C6orf136: variants seen among roughly 807,000 people sequenced by gnomAD.
The protein encoded by C6orf136 is chromosome 6 open reading frame 136, also known as uncharacterized protein C6orf136.
In C6orf136, 29 loss-of-function variants were observed where a neutral mutation model predicts 44.0. The ratio of observed to expected loss-of-function variants is 0.66; its 90% CI spans 0.49 to 0.90. The LOEUF (loss-of-function observed/expected upper bound fraction) is 0.90, where lower values mean the gene tolerates loss of function less well. Among genes scored for constraint, C6orf136 ranks in the 40% least tolerant of loss-of-function variants. The pLI is 0.00. For synonymous variants in C6orf136, 293 were observed against 278.6 expected, an observed-to-expected ratio of 1.05 and a Z score of -0.52; for missense variants, 628 against 669.3, an observed-to-expected ratio of 0.94 and a Z score of 0.68.
chr6:30,649,539 T>C lies in C6orf136; in HGVS notation c.616-19T>C. ...ACAAGTGGATTCTTATCTTTCTCCC[T>C]TCTGTTCTTTCTCCTTAGGACCAGC... is the stretch of plus-strand genomic sequence containing the variant. On this transcript the variant is annotated intron_variant, in intron 1 of 5. Coordinates refer to ENST00000651131, the MANE Select transcript of C6orf136 (RefSeq NM_001161376.2). 6.4e-7 allele frequency: 1 copy of C among 1,572,156 alleles called. No homozygotes were observed. Among genetic ancestry groups the C allele is most frequent in the Non-Finnish European group, 8.6e-7 (1 of 1,168,728 alleles).
In C6orf136 at chr6:30,647,730, C is replaced by T. The variant is rs1433122429; in HGVS notation, c.499C>T (p.Arg167Trp). ...QQPARLALGE[R>W]SWQEGRPVCT... ...GCCCGCCCGTCTTGCACTCGGAGAGCGGTCCTGGCAGGAAGGCCGGCCAGT... is the reference window on the plus strand; with the variant it reads ...GCCCGCCCGTCTTGCACTCGGAGAGTGGTCCTGGCAGGAAGGCCGGCCAGT... The change falls in exon 1 of 6, where the codon CGG (arginine) becomes TGG (tryptophan). Residue 167 changes from arginine to tryptophan, a missense_variant. By Grantham distance (101) the Arg-to-Trp change is moderately radical. Coordinates refer to ENST00000651131, the MANE Select transcript of C6orf136 (RefSeq NM_001161376.2). The surrounding 1 kb of genome is among the most constrained non-coding windows in gnomAD (Gnocchi z 4.8). The T allele has an allele frequency of 3.2e-6, 5 of 1,549,700 alleles. No homozygotes were observed. In the East Asian group the frequency reaches 7.3e-5, roughly 23 times the overall value.
At chr6:30,649,458 CAGG>C (rs1767198405) in intron 1 of C6orf136, 97 bp from the exon 2 acceptor site, 4 of 1,040,290 alleles carry the variant, frequency 3.8e-6, no homozygotes, top group Admixed American at 5.5e-5. Flanking sequence ...TCCATTCTGT[CAGG>C]AGGAATAGGT....
At chr6:30,651,169 C>A in intron 3 of C6orf136, 87 bp downstream of exon 3, 1 of 1,567,540 alleles carries the variant, frequency 6.4e-7, no homozygotes, top group Non-Finnish European at 8.8e-7. Flanking sequence ...AGAGAAGTTC[C>A]TAGACTGCTT....
Position 30,647,196 on chromosome 6 carries a change from G to A in C6orf136, c.-36G>A, listed in dbSNP as rs771214437. On this transcript the variant is annotated 5_prime_UTR_variant, in exon 1 of 6. Coordinates refer to ENST00000651131, the MANE Select transcript of C6orf136 (RefSeq NM_001161376.2). The surrounding 1 kb of genome is among the most constrained non-coding windows in gnomAD (Gnocchi z 4.8). ...CACCCCTGTGAGGAGGCCGGAGGTC[G>A]GACTCAGGAGGCTCCTTCTCCACTC... is the stretch of plus-strand genomic sequence containing the variant. The A allele has an allele frequency of 2.9e-5, 44 of 1,528,916 alleles. No individual in the cohort carries two copies. The highest frequency in any genetic ancestry group is 3.8e-5 in the Non-Finnish European group (43 of 1,146,346). 94.7% of individuals were successfully genotyped at this position (1,528,916 alleles called of 1,614,324 possible).
At chr6:30,649,295 G>A (rs1024079620) in intron 1 of C6orf136, among the ~76,000 whole-genome samples, 4 of 152,184 alleles carry the variant, frequency 2.6e-5, no homozygotes, top group African/African-American at 7.2e-5. Flanking sequence ...CCCGGGAGGC[G>A]GAGGTTGCAG....
Position 30,653,062 on chromosome 6 carries a change from T to TA in C6orf136, c.*149dup. 9.5e-7 allele frequency: 1 copy of TA among 1,051,600 alleles called. No homozygotes were observed. Among genetic ancestry groups the TA allele is most frequent in the Non-Finnish European group, 1.4e-6 (1 of 732,772 alleles). 65.1% of individuals were successfully genotyped at this position (1,051,600 alleles called of 1,614,324 possible). ...TCTCATGCTGTGTAAAGCTGCTGTG[T>TA]AATTTAACTTGTAAATAATAAAGTT... On this transcript the variant is annotated 3_prime_UTR_variant, in exon 6 of 6. Transcript: ENST00000651131.
Position 30,652,859 on chromosome 6 carries a change from G to A in C6orf136, c.1435G>A (p.Val479Met). The A allele has an allele frequency of 6.2e-7, 1 of 1,613,096 alleles. No homozygotes were observed. ...GAAGAAGCTGCTAGTGGGAGCCCTG[G>A]TGGCCCTGGGGCTGTCAGAGCCAGA... is the stretch of plus-strand genomic sequence containing the variant. The part of the protein sequence containing the change: ...PVKKLLVGAL[V>M]ALGLSEPEPD... Residue 479 changes from valine to methionine, a missense_variant, in exon 6 of 6, where the codon GTG (valine) becomes ATG (methionine). Val to Met is a conservative substitution (Grantham distance 21, BLOSUM62 1). Transcript: ENST00000651131.
rs1327819844 is a variant in C6orf136 at position 30,647,871 on chromosome 6, C to T, written c.615+25C>T. ...GGTACCCGAGCGGTCCGCCCGCCTT[C>T]CCTGCAGTGAGACGATCCCCTGGGG... On this transcript the variant is annotated intron_variant, in intron 1 of 5. Coordinates refer to ENST00000651131, the MANE Select transcript of C6orf136 (RefSeq NM_001161376.2). The surrounding 1 kb of genome is among the most constrained non-coding windows in gnomAD (Gnocchi z 4.8). 1.4e-5 allele frequency: 21 copies of T among 1,461,890 alleles called. No homozygotes were observed. Among genetic ancestry groups the T allele is most frequent in the Non-Finnish European group, 1.9e-5 (21 of 1,108,214 alleles). 90.6% of individuals were successfully genotyped at this position (1,461,890 alleles called of 1,614,324 possible).
chr6:30,652,888 T>A lies in C6orf136; in HGVS notation c.1464T>A (p.Pro488=). The change falls in exon 6 of 6, where the codon CCT becomes CCA. Residue 488 remains proline, a synonymous_variant. Transcript: ENST00000651131. ...CCCTGGGGCTGTCAGAGCCAGAACC[T>A]GACTTAAACCTGTGTTCCAAGCCCT... ...LVALGLSEPE[P]DLNLCSKP 6.2e-7 allele frequency: 1 copy of A among 1,613,010 alleles called. No individual in the cohort carries two copies. Among genetic ancestry groups the A allele is most frequent in the Admixed American group, 1.7e-5 (1 of 60,012 alleles).
In C6orf136 at chr6:30,649,864, G is replaced by A; in HGVS notation, c.922G>A (p.Val308Ile). 1 of 1,614,056 alleles carries A rather than the reference G, an allele frequency of 6.2e-7. No homozygotes were observed. Among genetic ancestry groups the A allele is most frequent in the African/African-American group, 1.3e-5 (1 of 75,014 alleles). ...TCCTGGGGCTTGGATACCTTTCCAA[G>A]TCCCTGGAACTGCCCACCCTTCCCC... ...PYPGAWIPFQ[V>I]PGTAHPSPAT... Residue 308 changes from valine to isoleucine, a missense_variant, in exon 2 of 6, where the codon GTC becomes ATC. By Grantham distance (29) the Val-to-Ile change is conservative. Coordinates refer to ENST00000651131, the MANE Select transcript of C6orf136 (RefSeq NM_001161376.2).
chr6:30,652,716 A>C lies in C6orf136; in HGVS notation c.1376A>C (p.Lys459Thr). The change falls in exon 5 of 6, where the codon AAA becomes ACA. Residue 459 changes from lysine to threonine, a missense_variant and splice_region_variant. Coordinates refer to ENST00000651131, the MANE Select transcript of C6orf136 (RefSeq NM_001161376.2). ...CTCATTTGTCGCCATCGTCTAGATA[A>C]AGTGAGTCCTAGGTAGGGCTGGGTG... ...SGLICRHRLD[K>T]LMPSHSPPTP... 1 of 1,613,010 alleles carries C rather than the reference A, an allele frequency of 6.2e-7. No individual in the cohort carries two copies. Among genetic ancestry groups the C allele is most frequent in the Non-Finnish European group, 8.5e-7 (1 of 1,180,000 alleles).
chr6:30,647,139 T>C lies in C6orf136; in HGVS notation c.-93T>C. The C allele has an allele frequency of 9.3e-7, 1 of 1,078,504 alleles. No homozygotes were observed. Among genetic ancestry groups the C allele is most frequent in the Non-Finnish European group, 1.3e-6 (1 of 786,150 alleles). The allele number at this position is 1,078,504 out of a possible 1,614,324, so 66.8% of individuals were successfully genotyped here. On this transcript the variant is annotated 5_prime_UTR_variant, in exon 1 of 6. Transcript: ENST00000651131. The surrounding 1 kb of genome is among the most constrained non-coding windows in gnomAD (Gnocchi z 4.8). ...CCTACCCCCCCGCCCCGGCCTCCTTTCCCCTTCACGAAGCCGGCTCTGGGG... is the reference window on the plus strand; with the variant it reads ...CCTACCCCCCCGCCCCGGCCTCCTTCCCCCTTCACGAAGCCGGCTCTGGGG...
rs1561955842 is a variant in C6orf136 at position 30,651,044 on chromosome 6, T to C, written c.1068T>C (p.Asp356=). The change falls in exon 3 of 6, where the codon GAT becomes GAC. Residue 356 remains aspartate (D), a synonymous_variant. Coordinates refer to ENST00000651131, the MANE Select transcript of C6orf136 (RefSeq NM_001161376.2). ...ACGACTACAGTCTGTATTCCTTGGATGTGGAATTCATCAATGAGATCCTCA... is the reference window on the plus strand; with the variant it reads ...ACGACTACAGTCTGTATTCCTTGGACGTGGAATTCATCAATGAGATCCTCA... ...QSHDYSLYSL[D]VEFINEILNI... The C allele has an allele frequency of 1.9e-6, 3 of 1,614,182 alleles. No homozygotes were observed. Among genetic ancestry groups the C allele is most frequent in the Non-Finnish European group, 2.5e-6 (3 of 1,180,002 alleles).
chr6:30,647,437 T>C lies in C6orf136; in HGVS notation c.206T>C (p.Leu69Pro). The C allele has an allele frequency of 3.4e-6, 5 of 1,471,720 alleles. No individual in the cohort carries two copies. 91.2% of individuals were successfully genotyped at this position (1,471,720 alleles called of 1,614,324 possible). A position where few individuals can be genotyped will look rare whatever the true frequency, so the allele number is the denominator to read the frequency against. The part of the protein sequence containing the change: ...RHPPPLPTCA[L>P]QRVDRLGVAG... ...CCGCCGCCCCTTCCCACCTGTGCCC[T>C]GCAGCGCGTGGACAGGCTAGGGGTC... Residue 69 changes from leucine to proline, a missense_variant, in exon 1 of 6, where the codon CTG (leucine) becomes CCG (proline). Transcript: ENST00000651131. The surrounding 1 kb of genome is among the most constrained non-coding windows in gnomAD (Gnocchi z 4.8).
chr6:30,651,105 G>A, intron 3 of C6orf136, 23 bp downstream of exon 3: 2 of 1,605,580 alleles, frequency 1.2e-6, no homozygotes, highest in Non-Finnish European at 1.7e-6. Flanking sequence ...GCACAGGTAG[G>A]GCACTGGGGA....
In C6orf136 at chr6:30,651,359, C is replaced by G. The variant is rs956460940; in HGVS notation, c.1200C>G (p.Thr400=). ...AHLRLEVLQL[T]RHPENWTLQA... ...TTCGTTTGGAGGTTTTACAGCTGAC[C>G]CGCCACCCTGAGAACTGGACCCTGC... Residue 400 remains threonine, a synonymous_variant, in exon 4 of 6, where the codon ACC becomes ACG. Coordinates refer to ENST00000651131, the MANE Select transcript of C6orf136 (RefSeq NM_001161376.2). The G allele has an allele frequency of 1.3e-5, 21 of 1,613,820 alleles. No individual in the cohort carries two copies. Among genetic ancestry groups the G allele is most frequent in the Non-Finnish European group, 1.8e-5 (21 of 1,180,050 alleles).
At position 30,649,138 on chromosome 6, in the gene C6orf136, G is replaced by A. The variant is rs537240566; in HGVS notation, c.616-420G>A. Among the ~76,000 whole-genome samples, 186 of 152,376 alleles carry A rather than the reference G, an allele frequency of 1.2e-3. 3 individuals carry two copies. The South Asian group carries it at 0.022, about 18-fold the overall frequency. On this transcript the variant is annotated intron_variant, in intron 1 of 5. Transcript: ENST00000651131. ...CCAGCACTTTAGGAGGCAGAGGCGG[G>A]TGGATCACGAGGTCAAGAGATGAAA...
Position 30,647,754 on chromosome 6 carries a change from G to C in C6orf136, c.523G>C (p.Val175Leu). ...GERSWQEGRP[V>L]CTRFGPLRPG... is the part of the protein sequence containing the mutation. ...GCGGTCCTGGCAGGAAGGCCGGCCA[G>C]TGTGCACCCGGTTCGGGCCCCTGCG... Residue 175 changes from valine to leucine, a missense_variant, in exon 1 of 6, where the codon GTG (valine) becomes CTG (leucine). Physicochemically the swap from Val to Leu is conservative, Grantham distance 32. This residue lies in a region of C6orf136 where 497 missense variants were observed against 469.2 expected (regional missense o/e 1.06). Transcript: ENST00000651131. The surrounding 1 kb of genome is among the most constrained non-coding windows in gnomAD (Gnocchi z 4.8). 6 of 1,548,376 alleles carry C rather than the reference G, an allele frequency of 3.9e-6. No individual in the cohort carries two copies. The highest frequency in any genetic ancestry group is 1.4e-5 in the African/African-American group (1 of 73,086).
intron 4 of C6orf136, among the ~76,000 whole-genome samples, chr6:30,652,346 C>T (rs1017310336): frequency 1.3e-5 from 2 of 151,966 alleles, no homozygotes; most frequent in Non-Finnish European, 2.9e-5. Flanking sequence ...GGTAAATTTC[C>T]GCCTGGGAGT....
Sources: allele counts gnomAD v4.1 joint callset (sites outside exome capture counted in the v4.1 genomes callset), GRCh38; gene constraint gnomAD v4.1.1; regional missense constraint gnomAD v4.1.1; non-coding constraint Gnocchi (gnomAD v3.1); transcripts MANE v1.5; gene names NCBI Gene and HGNC (gene_info 2026-07-23, HGNC 2026-07-21).